The following PARD3 variants were observed in gnomAD, a reference collection of about 807,000 sequenced individuals.
PARD3 encodes par-3 family cell polarity regulator.
A neutral mutation model predicts 155.4 loss-of-function variants in PARD3; 75 were observed. The observed-to-expected ratio is 0.48, with a 90% CI of 0.40 to 0.58. PARD3 has a LOEUF of 0.58. PARD3 is among the 20% of genes least tolerant of loss of function. PARD3 has a pLI of 0.00. For synonymous variants in PARD3, 576 were observed against 610.5 expected (o/e 0.94, Z 0.83); for missense variants, 1,642 against 1,721.7 (o/e 0.95, Z 0.82).
chr10:34,417,945 T>C (rs1223972796), intron 5 of PARD3, among the ~76,000 whole-genome samples: 1 of 152,096 alleles, frequency 6.6e-6, no homozygotes, highest in Non-Finnish European at 1.5e-5. Flanking sequence ...ATATACAACA[T>C]CTTTTTTCAG....
At chr10:34,187,386 CCCA>C (rs765981402) in intron 22 of PARD3, among the ~76,000 whole-genome samples, 9 of 152,120 alleles carry the variant, frequency 5.9e-5, no homozygotes, top group Non-Finnish European at 1.2e-4. Context: ...CATTCCTGTA[CCCA>C]CCACAAGTAC....
At chr10:34,339,856 A>G (rs1303494653) in intron 16 of PARD3, among the ~76,000 whole-genome samples, 1 of 152,198 alleles carries the variant, frequency 6.6e-6, no homozygotes, top group African/African-American at 2.4e-5. Context: ...TAAACGGTAC[A>G]CTGGAATATT....
At chr10:34,308,228 G>A (rs571329431) in intron 20 of PARD3, among the ~76,000 whole-genome samples, 3 of 152,220 alleles carry the variant, frequency 2.0e-5, no homozygotes, top group African/African-American at 4.8e-5. Context: ...GAGTGGTGCC[G>A]AAGGCTACTG....
intron 5 of PARD3, among the ~76,000 whole-genome samples, chr10:34,438,542 C>CA (rs1277708481): frequency 6.6e-6 from 1 of 152,056 alleles, no homozygotes; most frequent in African/African-American, 2.4e-5. Context: ...GTTCACCCAA[C>CA]AAAGATCCAC....
intron 2 of PARD3, among the ~76,000 whole-genome samples, chr10:34,564,307 G>A (rs992425836): frequency 6.6e-6 from 1 of 152,156 alleles, no homozygotes; most frequent in Non-Finnish European, 1.5e-5. Context: ...AAAAGTATAT[G>A]ATGCAACAAG....
At chr10:34,721,958 G>A (rs902837677) in intron 1 of PARD3, among the ~76,000 whole-genome samples, 7 of 152,212 alleles carry the variant, frequency 4.6e-5, no homozygotes, top group East Asian at 1.9e-4. Context: ...CAGGCAGATC[G>A]CTTGAGTCCA....
intron 5 of PARD3, among the ~76,000 whole-genome samples, chr10:34,428,116 A>G (rs1368119082): frequency 6.6e-6 from 1 of 152,184 alleles, no homozygotes; most frequent in Non-Finnish European, 1.5e-5. Flanking sequence ...CAACTAACTG[A>G]GGAAGAATCT....
intron 1 of PARD3, among the ~76,000 whole-genome samples, chr10:34,717,653 T>C (rs1206367990): frequency 6.6e-6 from 1 of 152,094 alleles, no homozygotes; most frequent in Non-Finnish European, 1.5e-5. Context: ...AAGTCAAATA[T>C]GGAGAAGAGC....
At chr10:34,630,381 A>C (rs1280518647) in intron 2 of PARD3, among the ~76,000 whole-genome samples, 1 of 151,100 alleles carries the variant, frequency 6.6e-6, no homozygotes, top group Non-Finnish European at 1.5e-5. Flanking sequence ...AACACCCATG[A>C]CCAACTATGG....
intron 2 of PARD3, among the ~76,000 whole-genome samples, chr10:34,539,127 G>A (rs566545514): frequency 3.5e-4 from 53 of 152,228 alleles, no homozygotes; most frequent in African/African-American, 1.3e-3. Context: ...CACAGGAGGT[G>A]TTACATCTTA....
At chr10:34,364,232 G>A (rs1166933659) in intron 12 of PARD3, among the ~76,000 whole-genome samples, 2 of 152,188 alleles carry the variant, frequency 1.3e-5, no homozygotes, top group Non-Finnish European at 2.9e-5. Context: ...AAATTTGGAT[G>A]AGAATGTACA....
At chr10:34,472,996 C>T (rs999870738) in intron 3 of PARD3, among the ~76,000 whole-genome samples, 1 of 152,002 alleles carries the variant, frequency 6.6e-6, no homozygotes, top group South Asian at 2.1e-4. Flanking sequence ...CTGTAGCTCT[C>T]GAAATAAAAT....
At chr10:34,677,793 AAGACCAC>A (rs2093736649) in intron 2 of PARD3, among the ~76,000 whole-genome samples, 1 of 152,164 alleles carries the variant, frequency 6.6e-6, no homozygotes, top group Non-Finnish European at 1.5e-5. Context: ...GTTCTAATGA[AAGACCAC>A]CGGAGGGCAC....
chr10:34,244,673 T>C (rs10827340), intron 22 of PARD3, among the ~76,000 whole-genome samples: 15,787 of 152,174 alleles, frequency 0.1, 2,554 homozygotes, highest in African/African-American at 0.35. Context: ...AAAAATCTTA[T>C]ACAATCTAAT....
At chr10:34,112,782 C>T (rs1946454818) in intron 24 of PARD3, among the ~76,000 whole-genome samples, 2 of 152,204 alleles carry the variant, frequency 1.3e-5, no homozygotes, top group East Asian at 1.9e-4. Context: ...ACCCATTTTC[C>T]ATATGGCCTA....
In PARD3 at chr10:34,328,121, CCACCAGCAGTAA is replaced by C. The variant is rs1404667559; in HGVS notation, c.2833+2984_2833+2995del. Among the ~76,000 whole-genome samples, 16 of 152,198 alleles carry C rather than the reference CCACCAGCAGTAA, an allele frequency of 1.1e-4. 1 individual carries two copies. The highest frequency in any genetic ancestry group is 6.5e-5 in the Admixed American group (1 of 15,280). ...TCTTCAGTTTTATGTAAGCTGACAGCCACCAGCAGTAACACCACATTTGATAGACAATTTTTT... is the reference window on the plus strand; with the variant it reads ...TCTTCAGTTTTATGTAAGCTGACAGCCACCACATTTGATAGACAATTTTTT... On this transcript the variant is annotated intron_variant, in intron 19 of 24. Transcript: ENST00000374788.
chr10:34,470,449 A>T (rs909496478), intron 3 of PARD3, among the ~76,000 whole-genome samples, 186 bp from the exon 4 acceptor site: 3 of 152,180 alleles, frequency 2.0e-5, no homozygotes, highest in Admixed American at 2.0e-4. Context: ...GGTGAAAGAG[A>T]TGCGGTCAAG....
chr10:34,395,513 T>C (rs981631693), intron 7 of PARD3, among the ~76,000 whole-genome samples: 2 of 152,204 alleles, frequency 1.3e-5, no homozygotes, highest in African/African-American at 4.8e-5. Flanking sequence ...AACTTTATTT[T>C]TGAATAACAT....
In PARD3 at chr10:34,482,854, T is replaced by TA. The variant is rs879839992; in HGVS notation, c.404-12592dup. 7.3e-3 allele frequency among the ~76,000 whole-genome samples: 1,057 copies of TA among 144,484 alleles called. 10 individuals carry two copies. The highest frequency in any genetic ancestry group is 0.024 in the African/African-American group (936 of 39,766). 94.8% of individuals were successfully genotyped at this position (144,484 alleles called of 152,430 possible). A position where few individuals can be genotyped will look rare whatever the true frequency, so the allele number is the denominator to read the frequency against. On this transcript the variant is annotated intron_variant, in intron 3 of 24. Transcript: ENST00000374788. ...AAGAGTGAGCTATTTTCCTTAAAATTAAAAAAAAAAAATGCAAGGTGCAGT... is the reference window on the plus strand; with the variant it reads ...AAGAGTGAGCTATTTTCCTTAAAATTAAAAAAAAAAAAATGCAAGGTGCAGT...
Sources: allele counts gnomAD v4.1 joint callset (sites outside exome capture counted in the v4.1 genomes callset), GRCh38; gene constraint gnomAD v4.1.1; transcripts MANE v1.5; gene names NCBI Gene and HGNC (gene_info 2026-07-23, HGNC 2026-07-21).